The following SPTBN4 variants were observed in gnomAD, a reference collection of about 807,000 sequenced individuals.
SPTBN4 encodes the protein spectrin beta, non-erythrocytic 4, also known as spectrin beta chain, non-erythrocytic 4.
A neutral mutation model predicts 277.8 loss-of-function variants in SPTBN4; 96 were observed. The observed-to-expected ratio is 0.35, with a 90% CI of 0.29 to 0.41. The LOEUF (loss-of-function observed/expected upper bound fraction) is 0.41, where lower values mean the gene tolerates loss of function less well. Ranked by LOEUF, SPTBN4 falls within the 10% of genes least tolerant of loss-of-function variation. The pLI, the probability that SPTBN4 is intolerant of heterozygous loss-of-function variation, is 1.00. For synonymous variants in SPTBN4, 1,481 were observed against 1,580.3 expected (o/e 0.94, Z 1.49); for missense variants, 3,006 against 3,595.7 (o/e 0.84, Z 4.19).
At chr19:40,532,269 T>G (rs2080683974) in intron 18 of SPTBN4, among the ~76,000 whole-genome samples, 2 of 106,582 alleles carry the variant, frequency 1.9e-5, no homozygotes, top group Non-Finnish European at 4.1e-5. Context: ...TTAGCTAAAT[T>G]GGGTTGGAGA....
chr19:40,554,490 T>A lies in SPTBN4; in HGVS notation c.4954-26T>A. ...GGAGCCGGGGGCCGCCGCTGCCGCCTCATCGTGGGCGCTTTGTGCCCCCAG... is the reference window on the plus strand; with the variant it reads ...GGAGCCGGGGGCCGCCGCTGCCGCCACATCGTGGGCGCTTTGTGCCCCCAG... On this transcript the variant is annotated intron_variant, in intron 23 of 35. Transcript: ENST00000598249. This position sits in a 1 kb window ranked among gnomAD's most constrained non-coding sequence, Gnocchi z 5.7. 6.7e-7 allele frequency: 1 copy of A among 1,482,970 alleles called. No homozygotes were observed. Among genetic ancestry groups the A allele is most frequent in the Non-Finnish European group, 9.0e-7 (1 of 1,113,184 alleles). The allele number at this position is 1,482,970 out of a possible 1,614,324, so 91.9% of individuals were successfully genotyped here.
chr19:40,479,330 G>A (rs1450004147), intron 2 of SPTBN4, among the ~76,000 whole-genome samples: 3 of 152,042 alleles, frequency 2.0e-5, no homozygotes, highest in Non-Finnish European at 4.4e-5. Context: ...TGGACCCCAC[G>A]TTCAGTGTGT....
At chr19:40,495,028 C>G in intron 6 of SPTBN4, 51 bp downstream of exon 6, 1 of 1,545,930 alleles carries the variant, frequency 6.5e-7, no homozygotes, top group South Asian at 1.1e-5. Flanking sequence ...CCCCCATATC[C>G]CTGCAGCTGC....
At chr19:40,528,945 C>T in intron 17 of SPTBN4, 96 bp from the exon 18 acceptor site, 2 of 896,376 alleles carry the variant, frequency 2.2e-6, no homozygotes, top group South Asian at 1.3e-5. Context: ...CCACGCCCTT[C>T]TTCCCCTACC....
chr19:40,505,758 G>GAA (rs975100455), intron 12 of SPTBN4, among the ~76,000 whole-genome samples: 37 of 151,866 alleles, frequency 2.4e-4, no homozygotes, highest in African/African-American at 8.2e-4. Flanking sequence ...AAGGAAGAAA[G>GAA]AAAGGTGAAC....
chr19:40,524,560 C>G (rs759871754), intron 17 of SPTBN4: 20 of 456,022 alleles, frequency 4.4e-5, no homozygotes, highest in Middle Eastern at 3.2e-4. Context: ...CATTATCCAT[C>G]CTGCTCTTCT....
At chr19:40,492,619 T>C (rs898170280) in intron 4 of SPTBN4, among the ~76,000 whole-genome samples, 1 of 152,112 alleles carries the variant, frequency 6.6e-6, no homozygotes, top group Non-Finnish European at 1.5e-5. Flanking sequence ...CTCTCTGCCA[T>C]GTGGAGAACA....
At chr19:40,510,556 C>T (rs528491225) in intron 13 of SPTBN4, among the ~76,000 whole-genome samples, 7 of 152,124 alleles carry the variant, frequency 4.6e-5, no homozygotes, top group Non-Finnish European at 1.0e-4. Context: ...CTGCCTGCTT[C>T]GGCCTCCCAA....
intron 24 of SPTBN4, 98 bp from the exon 25 acceptor site, chr19:40,555,986 G>A (rs2080973827): frequency 9.2e-7 from 1 of 1,083,588 alleles, no homozygotes; most frequent in African/African-American, 1.6e-5. Flanking sequence ...AAGATTCCAA[G>A]GAAACACAGC....
chr19:40,539,510 T>C lies in SPTBN4; in HGVS notation c.4359+5167T>C, dbSNP rs535533107. Among the ~76,000 whole-genome samples the C allele has an allele frequency of 1.3e-4, 20 of 152,312 alleles. No individual in the cohort carries two copies. The East Asian group carries it at 3.9e-3, about 29-fold the overall frequency. The stretch of plus-strand genomic sequence containing the variant: ...TTCTTTTTTTAAGAGGGAGTCTCAC[T>C]CTGTTGCCCAGGCTGGAGTGCAGTG... On this transcript the variant is annotated intron_variant, in intron 20 of 35. Transcript: ENST00000598249.
chr19:40,556,976 C>T, intron 25 of SPTBN4, 47 bp from the exon 26 acceptor site: 3 of 1,515,348 alleles, frequency 2.0e-6, no homozygotes, highest in Non-Finnish European at 2.7e-6. Flanking sequence ...TGTATGCTGC[C>T]CCTTTGCTCA....
chr19:40,564,263 A>G (rs2145948393), intron 27 of SPTBN4, among the ~76,000 whole-genome samples: 1 of 152,340 alleles, frequency 6.6e-6, no homozygotes, highest in Admixed American at 6.5e-5. Flanking sequence ...AAGCTGAGGC[A>G]GGGGAATCGC....
At chr19:40,556,502 A>G (rs767365588) in intron 25 of SPTBN4, among the ~76,000 whole-genome samples, 24 of 151,840 alleles carry the variant, frequency 1.6e-4, no homozygotes, top group Non-Finnish European at 3.1e-4. Flanking sequence ...TTATTATTTT[A>G]TTGTTACTTA....
At chr19:40,511,761 A>T (rs2080393524) in intron 13 of SPTBN4, among the ~76,000 whole-genome samples, 2 of 152,230 alleles carry the variant, frequency 1.3e-5, no homozygotes, top group South Asian at 4.2e-4. Context: ...AAAGGAGTGC[A>T]GATAACCACT....
chr19:40,497,721 A>G, intron 7 of SPTBN4, 117 bp downstream of exon 7: 1 of 794,588 alleles, frequency 1.3e-6, no homozygotes, highest in Non-Finnish European at 2.1e-6. Context: ...GGCCTCTCCA[A>G]ATCCCAACTC....
chr19:40,553,958 A>G (rs535453709), intron 22 of SPTBN4, among the ~76,000 whole-genome samples, 189 bp from the exon 23 acceptor site: 1 of 152,330 alleles, frequency 6.6e-6, no homozygotes, highest in Non-Finnish European at 1.5e-5. Flanking sequence ...TCCCACCTGC[A>G]GCAAGCATAG....
At chr19:40,489,228 A>AAAGAAAG (rs1555810979) in intron 3 of SPTBN4, among the ~76,000 whole-genome samples, 4,330 of 141,678 alleles carry the variant, frequency 0.031, 242 homozygotes, top group African/African-American at 0.1. Flanking sequence ...AAAAAAAAAA[A>AAAGAAAG]AAAGAAAGAA....
At chr19:40,501,872 TCTGTCAAAGTGCCCA>T in intron 7 of SPTBN4, 34 bp from the exon 8 acceptor site, 2 of 1,519,226 alleles carry the variant, frequency 1.3e-6, no homozygotes, top group Non-Finnish European at 1.8e-6. Context: ...CTTCAAGCAC[TCTGTCAAAGTGCCCA>T]CTGTCTTGTT....
chr19:40,514,305 T>G (rs1233936017), intron 14 of SPTBN4, among the ~76,000 whole-genome samples: 1 of 152,196 alleles, frequency 6.6e-6, no homozygotes, highest in Non-Finnish European at 1.5e-5. Context: ...CTTTGAAACA[T>G]TGATTTAAAG....
Sources: allele counts gnomAD v4.1 joint callset (sites outside exome capture counted in the v4.1 genomes callset), GRCh38; gene constraint gnomAD v4.1.1; non-coding constraint Gnocchi (gnomAD v3.1); transcripts MANE v1.5; gene names NCBI Gene and HGNC (gene_info 2026-07-23, HGNC 2026-07-21).